DUSP22: variants seen among roughly 807,000 people sequenced by gnomAD.
DUSP22 encodes dual specificity protein phosphatase 22.
DUSP22 carries 24 observed loss-of-function variants against 24.5 expected under a neutral mutation model. That is an observed-to-expected ratio of 0.98 (90% CI 0.71 to 1.38). DUSP22 has a LOEUF of 1.38. Among genes scored for constraint, DUSP22 ranks in the 40% most tolerant of loss-of-function variants. DUSP22 has a pLI of 0.00. For missense variants in DUSP22, 330 were observed against 269.2 expected (o/e 1.23, Z -1.58); for synonymous variants, 160 against 106.4 (o/e 1.50, Z -3.10).
In DUSP22 at chr6:321,401, T is replaced by G. The variant is rs552837764; in HGVS notation, c.138+9439T>G. Among the ~76,000 whole-genome samples the G allele has an allele frequency of 8.5e-5, 13 of 152,426 alleles. No homozygotes were observed. In the South Asian group the frequency reaches 2.5e-3, roughly 29 times the overall value. On this transcript the variant is annotated intron_variant, in intron 3 of 6. Transcript: ENST00000419235. ...CCAGGTGACACATTCCGATTTCTTT[T>G]GCAGGATGTTGTCTCAAGGTTAGAG... is the stretch of plus-strand genomic sequence containing the variant.
chr6:299,108 C>T (rs970837699), intron 1 of DUSP22, among the ~76,000 whole-genome samples: 9 of 152,302 alleles, frequency 5.9e-5, no homozygotes, highest in Non-Finnish European at 1.0e-4. Context: ...GTGCTTATTA[C>T]TTCAGCATAG....
At chr6:320,677 G>A (rs1011698429) in intron 3 of DUSP22, among the ~76,000 whole-genome samples, 1 of 152,310 alleles carries the variant, frequency 6.6e-6, no homozygotes, top group Non-Finnish European at 1.5e-5. Context: ...TGTTGAGGCA[G>A]CCTTATAGGA....
intron 2 of DUSP22, among the ~76,000 whole-genome samples, chr6:304,898 T>A (rs1368899812): frequency 8.3e-4 from 1 of 1,200 alleles, no homozygotes; most frequent in Non-Finnish European, 0.023. Flanking sequence ...GCTTTCTGCC[T>A]CTATGAATCT....
Position 325,656 on chromosome 6 carries a change from C to T in DUSP22, c.139-9458C>T, listed in dbSNP as rs573126352. On this transcript the variant is annotated intron_variant, in intron 3 of 6. Coordinates refer to ENST00000419235, the MANE Select transcript of DUSP22 (RefSeq NM_001286555.3). ...GTCATCTGCCCTGGGCTTCTGCATC[C>T]TCGTGTGTGCAGTGCTGTACCTGCT... 8 of 222,578 alleles carry T rather than the reference C, an allele frequency of 3.6e-5. No individual in the cohort carries two copies. In the East Asian group the frequency reaches 1.1e-3, roughly 31 times the overall value. The allele number at this position is 222,578 out of a possible 1,614,324, so 13.8% of individuals were successfully genotyped here.
At position 340,782 on chromosome 6, in the gene DUSP22, T is replaced by G. The variant is rs1344899392; in HGVS notation, c.189-5072T>G. Among the ~76,000 whole-genome samples, 3 of 152,308 alleles carry G rather than the reference T, an allele frequency of 2.0e-5. No homozygotes were observed. The East Asian group carries it at 5.8e-4, about 29-fold the overall frequency. On this transcript the variant is annotated intron_variant, in intron 4 of 6. Transcript: ENST00000419235. ...AAGGTGCTCAGCCAGATCTCTGGGC[T>G]CCCACTCCAACAGGCAAAGTCCTTT... is the stretch of plus-strand genomic sequence containing the variant.
chr6:330,898 A>G (rs1759111270), intron 3 of DUSP22, among the ~76,000 whole-genome samples: 1 of 152,302 alleles, frequency 6.6e-6, no homozygotes, highest in African/African-American at 2.4e-5. Flanking sequence ...TTCTATACTA[A>G]TTGTTTTATA....
Position 349,392 on chromosome 6 carries a change from C to G in DUSP22, c.*441C>G. On this transcript the variant is annotated 3_prime_UTR_variant, in exon 7 of 7. Coordinates refer to ENST00000419235, the MANE Select transcript of DUSP22 (RefSeq NM_001286555.3). Reference sequence around the variant, plus strand: ...GAAGTCACAGAATTCATATTGCTGCCCGGGTTGGTGTGGCCACCTTTCCCT... The same window carrying G: ...GAAGTCACAGAATTCATATTGCTGCGCGGGTTGGTGTGGCCACCTTTCCCT... 4.9e-6 allele frequency: 5 copies of G among 1,021,834 alleles called. No individual in the cohort carries two copies. Among genetic ancestry groups the G allele is most frequent in the Non-Finnish European group, 5.9e-6 (5 of 852,604 alleles). The allele number at this position is 1,021,834 out of a possible 1,614,324, so 63.3% of individuals were successfully genotyped here. A position where few individuals can be genotyped will look rare whatever the true frequency, so the allele number is the denominator to read the frequency against.
chr6:297,570 A>T (rs1184367904), intron 1 of DUSP22, among the ~76,000 whole-genome samples: 1 of 152,288 alleles, frequency 6.6e-6, no homozygotes, highest in East Asian at 1.9e-4. Flanking sequence ...GCAACATCTC[A>T]GATCTTCACC....
rs2127426098 is a variant in DUSP22, at chr6:350,755, A to G, written c.*1804A>G. On this transcript the variant is annotated 3_prime_UTR_variant, in exon 7 of 7. Coordinates refer to ENST00000419235, the MANE Select transcript of DUSP22 (RefSeq NM_001286555.3). ...ATATGTGCACCTTTACAAACCTCTC[A>G]GTGTATTCTTGGAGTTCTTGAAATG... is the stretch of plus-strand genomic sequence containing the variant. The G allele has an allele frequency of 5.0e-6, 8 of 1,613,848 alleles. No individual in the cohort carries two copies. In the South Asian group the frequency reaches 8.8e-5, roughly 18 times the overall value.
intron 3 of DUSP22, among the ~76,000 whole-genome samples, chr6:331,810 T>C (rs540245054): frequency 1.8e-3 from 279 of 152,342 alleles, no homozygotes; most frequent in African/African-American, 6.6e-3. Context: ...TAGATGTTCT[T>C]AGGTGGCGAG....
intron 3 of DUSP22, among the ~76,000 whole-genome samples, chr6:314,055 C>T (rs992980721): frequency 5.3e-5 from 8 of 152,300 alleles, no homozygotes; most frequent in Non-Finnish European, 8.8e-5. Flanking sequence ...GGGGAATTAG[C>T]GGACGGGTTT....
At chr6:295,620 CA>C (rs61568173) in intron 1 of DUSP22, among the ~76,000 whole-genome samples, 3,490 of 149,296 alleles carry the variant, frequency 0.023, 8 homozygotes, top group African/African-American at 0.08. Context: ...ACCAAAAATA[CA>C]AAAAAAAAAC....
chr6:293,771 T>C (rs576391936), intron 1 of DUSP22, among the ~76,000 whole-genome samples: 226 of 152,224 alleles, frequency 1.5e-3, no homozygotes, highest in Non-Finnish European at 2.6e-3. Context: ...AATACTGGGG[T>C]ATTTTGGTAA....
chr6:318,408 C>G (rs1758429192), intron 3 of DUSP22, among the ~76,000 whole-genome samples: 1 of 152,312 alleles, frequency 6.6e-6, no homozygotes, highest in African/African-American at 2.4e-5. Flanking sequence ...GACTTGTGTT[C>G]TGGTTGTAAA....
chr6:338,095 G>A (rs1307771539), intron 4 of DUSP22: 1 of 152,530 alleles, frequency 6.6e-6, no homozygotes, highest in Non-Finnish European at 1.5e-5. Context: ...GGGAAAAGTG[G>A]ACACTCTGCT....
intron 2 of DUSP22, among the ~76,000 whole-genome samples, chr6:308,093 G>C (rs1320010455): frequency 6.6e-6 from 1 of 152,304 alleles, no homozygotes; most frequent in Non-Finnish European, 1.5e-5. Context: ...CTCAGTGTTA[G>C]GGTGCACATG....
At chr6:304,691 A>G (rs1757742337) in intron 2 of DUSP22, 30 bp downstream of exon 2, 3 of 1,613,540 alleles carry the variant, frequency 1.9e-6, no homozygotes, top group Non-Finnish European at 2.5e-6. Flanking sequence ...TTGTTGTGAT[A>G]AAATACACAT....
intron 2 of DUSP22, among the ~76,000 whole-genome samples, chr6:307,945 A>C (rs1757893533): frequency 6.6e-6 from 1 of 152,306 alleles, no homozygotes; most frequent in Non-Finnish European, 1.5e-5. Context: ...GCATATGTCC[A>C]TCCAGACTTA....
chr6:321,497 G>C (rs1314663764), intron 3 of DUSP22, among the ~76,000 whole-genome samples: 18 of 152,296 alleles, frequency 1.2e-4, no homozygotes, highest in African/African-American at 4.3e-4. Flanking sequence ...GAAGTGATGA[G>C]GGTCTGAACT....
Sources: allele counts gnomAD v4.1 joint callset (sites outside exome capture counted in the v4.1 genomes callset), GRCh38; gene constraint gnomAD v4.1.1; transcripts MANE v1.5; gene names NCBI Gene and HGNC (gene_info 2026-07-23, HGNC 2026-07-21).